Variants in PPP2R2B observed in about 807,000 individuals in gnomAD.
PPP2R2B encodes the protein serine/threonine-protein phosphatase 2A 55 kDa regulatory subunit B beta isoform.
A neutral mutation model predicts 46.0 loss-of-function variants in PPP2R2B; 5 were observed. That is an observed-to-expected ratio of 0.11 (90% CI 0.06 to 0.23). The LOEUF is 0.23. PPP2R2B is among the 10% of genes least tolerant of loss of function. The pLI, the probability that PPP2R2B is intolerant of heterozygous loss-of-function variation, is 1.00. For synonymous variants in PPP2R2B, 215 were observed against 206.7 expected, an observed-to-expected ratio of 1.04 and a Z score of -0.34; for missense variants, 367 against 575.0, an observed-to-expected ratio of 0.64 and a Z score of 3.70.
intron 2 of PPP2R2B, among the ~76,000 whole-genome samples, chr5:146,785,825 A>T (rs745416352): frequency 2.0e-5 from 3 of 152,208 alleles, no homozygotes; most frequent in Non-Finnish European, 4.4e-5. Flanking sequence ...GAGCTAAAAA[A>T]GTTGATCTCA....
At chr5:146,948,833 T>C (rs189286262) in intron 1 of PPP2R2B, among the ~76,000 whole-genome samples, 2 of 152,184 alleles carry the variant, frequency 1.3e-5, no homozygotes, top group East Asian at 3.9e-4. Context: ...GTAACTATAA[T>C]TGAGTGAATG....
Position 146,590,126 on chromosome 5 carries a change from G to A in PPP2R2B, c.1153C>T (p.Arg385Trp), listed in dbSNP as rs775749080. The A allele has an allele frequency of 5.0e-6, 8 of 1,613,226 alleles. No homozygotes were observed. The highest frequency in any genetic ancestry group is 2.2e-5 in the East Asian group (1 of 44,866). Residue 385 changes from arginine (R) to tryptophan (W), a missense_variant, in exon 10 of 10, where the codon CGG (arginine) becomes TGG (tryptophan). Arg to Trp is a moderately radical substitution (Grantham distance 101). Around this residue, in one of 2 missense-constraint regions of PPP2R2B, gnomAD observed 361 missense variants for 545.5 expected, o/e 0.66. Coordinates refer to ENST00000394411, the MANE Select transcript of PPP2R2B (RefSeq NM_181675.4). ...ACTTTTCGGGGTTTGAGGATAGCCC[G>A]GGGCTTGCTGTTTTCCCTCGAAGCC... ...LEASRENSKP[R>W]AILKPRKVCV...
intron 2 of PPP2R2B, among the ~76,000 whole-genome samples, chr5:146,767,945 A>C (rs970529119): frequency 6.6e-6 from 1 of 152,192 alleles, no homozygotes; most frequent in Admixed American, 6.5e-5. Flanking sequence ...CTGTCTCTAT[A>C]GCTTTTTCCA....
At chr5:147,042,095 CA>C (rs1756338717) in intron 1 of PPP2R2B, among the ~76,000 whole-genome samples, 1 of 152,176 alleles carries the variant, frequency 6.6e-6, no homozygotes, top group Non-Finnish European at 1.5e-5. Context: ...TGATAACGCC[CA>C]AATCCCCACG....
At chr5:146,990,136 T>A (rs896018333) in intron 1 of PPP2R2B, among the ~76,000 whole-genome samples, 2 of 151,080 alleles carry the variant, frequency 1.3e-5, no homozygotes, top group African/African-American at 2.4e-5. Context: ...GTATTAATAT[T>A]GTTAAAATGT....
chr5:146,627,502 C>G (rs1774143065), intron 7 of PPP2R2B, among the ~76,000 whole-genome samples: 1 of 152,104 alleles, frequency 6.6e-6, no homozygotes, highest in Non-Finnish European at 1.5e-5. Flanking sequence ...AGAATTAATT[C>G]TATGGTTGAA....
At chr5:146,785,206 G>A (rs1040552437) in intron 2 of PPP2R2B, among the ~76,000 whole-genome samples, 3 of 152,102 alleles carry the variant, frequency 2.0e-5, no homozygotes, top group African/African-American at 4.8e-5. Flanking sequence ...AGAAAAGGAG[G>A]AAGGAAGTGG....
intron 1 of PPP2R2B, among the ~76,000 whole-genome samples, chr5:147,020,969 T>C (rs1000626646): frequency 1.3e-5 from 2 of 152,172 alleles, no homozygotes; most frequent in African/African-American, 4.8e-5. Flanking sequence ...ATTCTTATAG[T>C]CACTGAAAAA....
chr5:146,712,095 C>G (rs948702381), intron 2 of PPP2R2B, among the ~76,000 whole-genome samples: 1 of 152,086 alleles, frequency 6.6e-6, no homozygotes, highest in Non-Finnish European at 1.5e-5. Flanking sequence ...AACATGAGGT[C>G]CCGATGTCAA....
Position 146,934,673 on chromosome 5 carries a change from G to A in PPP2R2B, c.79+120992C>T, listed in dbSNP as rs562932242. Among the ~76,000 whole-genome samples, 8 of 150,184 alleles carry A rather than the reference G, an allele frequency of 5.3e-5. No individual in the cohort carries two copies. In the South Asian group the frequency reaches 1.1e-3, roughly 20 times the overall value. ...ACAAATATACCTGTAGCTTTTCTAG[G>A]TTTAGCTGTAGCCTAAAATTTAAAA... On this transcript the variant is annotated intron_variant, in intron 1 of 8. Coordinates refer to the PPP2R2B transcript ENST00000336640.
intron 2 of PPP2R2B, among the ~76,000 whole-genome samples, chr5:146,773,698 T>C (rs190338264): frequency 8.7e-4 from 132 of 152,330 alleles, no homozygotes; most frequent in East Asian, 9.6e-4. Flanking sequence ...TTGAGAATTC[T>C]CTTTTTTTCT....
chr5:146,901,199 A>T (rs1446334989), intron 1 of PPP2R2B, among the ~76,000 whole-genome samples: 1 of 152,186 alleles, frequency 6.6e-6, no homozygotes, highest in Non-Finnish European at 1.5e-5. Flanking sequence ...TGGTGCTAAC[A>T]TAAAATATCT....
At chr5:146,909,798 A>G (rs1167902738) in intron 1 of PPP2R2B, among the ~76,000 whole-genome samples, 3 of 152,192 alleles carry the variant, frequency 2.0e-5, no homozygotes, top group Non-Finnish European at 2.9e-5. Context: ...TCTGGTTTCT[A>G]GGTGGCTTTG....
chr5:146,940,779 T>C (rs989151937), intron 1 of PPP2R2B, among the ~76,000 whole-genome samples: 1 of 152,206 alleles, frequency 6.6e-6, no homozygotes, highest in Non-Finnish European at 1.5e-5. Flanking sequence ...GCATCCACAG[T>C]TGTCTGTGTT....
chr5:147,044,158 A>G (rs1156652847), intron 1 of PPP2R2B, among the ~76,000 whole-genome samples: 1 of 152,114 alleles, frequency 6.6e-6, no homozygotes, highest in Non-Finnish European at 1.5e-5. Context: ...GGCTGTACAG[A>G]GTATGAAAAC....
chr5:146,827,200 T>C (rs1246104458), intron 2 of PPP2R2B, among the ~76,000 whole-genome samples: 1 of 152,138 alleles, frequency 6.6e-6, no homozygotes, highest in East Asian at 1.9e-4. Flanking sequence ...CCTAGCTGAA[T>C]TGCCAGGGAA....
intron 2 of PPP2R2B, among the ~76,000 whole-genome samples, chr5:146,822,043 T>C (rs1758294727): frequency 6.6e-6 from 1 of 152,238 alleles, no homozygotes; most frequent in South Asian, 2.1e-4. Context: ...TAAAACATTG[T>C]CTCACATTTC....
At chr5:146,601,930 T>G (rs1237388965) in intron 7 of PPP2R2B, among the ~76,000 whole-genome samples, 1 of 152,224 alleles carries the variant, frequency 6.6e-6, no homozygotes, top group African/African-American at 2.4e-5. Flanking sequence ...AAGGCATGGC[T>G]TCTCAGTATG....
chr5:146,778,111 C>G (rs1755298542), intron 2 of PPP2R2B, among the ~76,000 whole-genome samples: 1 of 152,042 alleles, frequency 6.6e-6, no homozygotes, highest in African/African-American at 2.4e-5. Flanking sequence ...TTCCTTTTTC[C>G]AGAGGCAATG....
Sources: gnomAD v4.1 joint callset for allele counts (sites outside exome capture counted in the v4.1 genomes callset) on GRCh38, gnomAD v4.1.1 for gene constraint, gnomAD v4.1.1 regional missense constraint, MANE v1.5 for transcripts, NCBI Gene and HGNC (gene_info 2026-07-23, HGNC 2026-07-21) for gene names.